The following EFNA5 variants were observed in gnomAD, a reference collection of about 807,000 sequenced individuals.
EFNA5 encodes the protein ephrin A5.
Under a neutral mutation model 22.9 loss-of-function variants are expected in EFNA5, and 5 were observed. The observed-to-expected ratio is 0.22, with a 90% confidence interval of 0.11 to 0.46. EFNA5 has a LOEUF of 0.46. EFNA5 is among the 20% of genes least tolerant of loss of function. The pLI is 0.99. For missense variants in EFNA5, 237 were observed against 293.3 expected, an observed-to-expected ratio of 0.81 and a Z score of 1.40; for synonymous variants, 113 against 112.2, an observed-to-expected ratio of 1.01 and a Z score of -0.04.
chr5:107,539,987 C>T (rs1007198228), intron 1 of EFNA5, among the ~76,000 whole-genome samples: 1 of 152,144 alleles, frequency 6.6e-6, no homozygotes, highest in African/African-American at 2.4e-5. Flanking sequence ...CCATAAGGTG[C>T]AACATCTGCC....
chr5:107,513,127 C>A (rs2112436073), intron 1 of EFNA5, among the ~76,000 whole-genome samples: 1 of 152,286 alleles, frequency 6.6e-6, no homozygotes, highest in East Asian at 1.9e-4. Context: ...TGGCACCATG[C>A]CTCTGTAGCT....
At chr5:107,526,995 C>T (rs1312661233) in intron 1 of EFNA5, among the ~76,000 whole-genome samples, 1 of 152,120 alleles carries the variant, frequency 6.6e-6, no homozygotes, top group Non-Finnish European at 1.5e-5. Context: ...AATAACCAAC[C>T]ATATTAGCCA....
chr5:107,448,858 T>TAAAC (rs1228295778), intron 1 of EFNA5, among the ~76,000 whole-genome samples: 2 of 113,788 alleles, frequency 1.8e-5, no homozygotes, highest in African/African-American at 4.2e-5. Context: ...AATAAATAAA[T>TAAAC]AAATAAATAA....
chr5:107,615,723 T>A (rs978565267), intron 1 of EFNA5, among the ~76,000 whole-genome samples: 1 of 152,174 alleles, frequency 6.6e-6, no homozygotes, highest in Non-Finnish European at 1.5e-5. Flanking sequence ...AAAATCTGAC[T>A]AATCATTCTT....
intron 1 of EFNA5, among the ~76,000 whole-genome samples, chr5:107,586,587 C>T (rs1749191221): frequency 6.6e-6 from 1 of 152,126 alleles, no homozygotes; most frequent in African/African-American, 2.4e-5. Flanking sequence ...TATTACCCCT[C>T]TACCCAAAAT....
chr5:107,655,776 C>T (rs987546880), intron 1 of EFNA5, among the ~76,000 whole-genome samples: 1 of 151,960 alleles, frequency 6.6e-6, no homozygotes, highest in Non-Finnish European at 1.5e-5. Flanking sequence ...GGAAAGCAGC[C>T]CTTTGGCAGT....
chr5:107,523,850 A>T (rs1300362917), intron 1 of EFNA5, among the ~76,000 whole-genome samples: 1 of 152,236 alleles, frequency 6.6e-6, no homozygotes, highest in Non-Finnish European at 1.5e-5. Flanking sequence ...GCAGAAGCAG[A>T]CTGTAGATTA....
intron 2 of EFNA5, among the ~76,000 whole-genome samples, chr5:107,408,512 A>T (rs1436890750): frequency 2.0e-5 from 3 of 152,222 alleles, no homozygotes; most frequent in Non-Finnish European, 4.4e-5. Flanking sequence ...TAATTTTCTT[A>T]TGTCATGCTT....
chr5:107,545,228 T>C (rs1748121682), intron 1 of EFNA5, among the ~76,000 whole-genome samples: 1 of 152,272 alleles, frequency 6.6e-6, no homozygotes, highest in Admixed American at 6.5e-5. Flanking sequence ...CCGAAGGCCT[T>C]AGTGTTGGTT....
At chr5:107,579,585 GAAT>G (rs140544206) in intron 1 of EFNA5, among the ~76,000 whole-genome samples, 16 of 151,188 alleles carry the variant, frequency 1.1e-4, no homozygotes, top group African/African-American at 2.2e-4. Flanking sequence ...TTCCATACCA[GAAT>G]AATAATAATA....
At chr5:107,511,227 T>C (rs1315184175) in intron 1 of EFNA5, among the ~76,000 whole-genome samples, 1 of 152,172 alleles carries the variant, frequency 6.6e-6, no homozygotes, top group African/African-American at 2.4e-5. Flanking sequence ...GGTTTCACCA[T>C]GTTGGTCAGG....
chr5:107,547,289 C>T (rs1454510564), intron 1 of EFNA5, among the ~76,000 whole-genome samples: 6 of 152,104 alleles, frequency 3.9e-5, no homozygotes, highest in Non-Finnish European at 5.9e-5. Context: ...GATGCCAGTA[C>T]GGGAAATTCA....
At chr5:107,598,371 A>T (rs1561445269) in intron 1 of EFNA5, among the ~76,000 whole-genome samples, 1 of 152,132 alleles carries the variant, frequency 6.6e-6, no homozygotes, top group Non-Finnish European at 1.5e-5. Context: ...AATACTCCAA[A>T]AGTGGAGAGG....
At chr5:107,529,754 T>G (rs1156860920) in intron 1 of EFNA5, among the ~76,000 whole-genome samples, 3 of 152,178 alleles carry the variant, frequency 2.0e-5, no homozygotes, top group African/African-American at 7.2e-5. Context: ...CATTCTTGCT[T>G]CCCTGGAACT....
intron 1 of EFNA5, among the ~76,000 whole-genome samples, chr5:107,488,130 G>T (rs1746693137): frequency 6.6e-6 from 1 of 152,158 alleles, no homozygotes; most frequent in Non-Finnish European, 1.5e-5. Flanking sequence ...TTTTCTCAGG[G>T]AGTACATGAG....
intron 1 of EFNA5, among the ~76,000 whole-genome samples, chr5:107,626,254 C>T (rs1018939991): frequency 6.6e-6 from 1 of 152,132 alleles, no homozygotes; most frequent in East Asian, 1.9e-4. Context: ...CAGAATAGTA[C>T]ACAGTATGTC....
rs547276981 is a variant in EFNA5 at position 107,613,587 on chromosome 5, T to G, written c.125+56902A>C. 9.9e-5 allele frequency among the ~76,000 whole-genome samples: 15 copies of G among 152,248 alleles called. No individual in the cohort carries two copies. The South Asian group carries it at 2.9e-3, about 29-fold the overall frequency. On this transcript the variant is annotated intron_variant, in intron 1 of 4. Coordinates refer to ENST00000333274, the MANE Select transcript of EFNA5 (RefSeq NM_001962.3). ...CAATTTTCAATTGATTGATAGCTTT[T>G]TAAACACAGTGCACCTTGAAGGAAA... is the stretch of plus-strand genomic sequence containing the variant.
chr5:107,435,315 CTTTTTTT>C (rs3999107), intron 1 of EFNA5, among the ~76,000 whole-genome samples: 3 of 104,664 alleles, frequency 2.9e-5, no homozygotes, highest in East Asian at 2.5e-4. Flanking sequence ...TGAAGATGCT[CTTTTTTT>C]TTTTTTTTTT....
At chr5:107,473,610 G>T (rs938611617) in intron 1 of EFNA5, among the ~76,000 whole-genome samples, 2 of 151,658 alleles carry the variant, frequency 1.3e-5, no homozygotes, top group East Asian at 3.9e-4. Flanking sequence ...GCTCTAGAAC[G>T]TGTTATGATC....
Sources: allele counts gnomAD v4.1 joint callset (sites outside exome capture counted in the v4.1 genomes callset), GRCh38; gene constraint gnomAD v4.1.1; transcripts MANE v1.5; gene names NCBI Gene and HGNC (gene_info 2026-07-23, HGNC 2026-07-21).